TACR3: variants seen among roughly 807,000 people sequenced by gnomAD.
The protein encoded by TACR3 is tachykinin receptor 3.
A neutral mutation model predicts 35.0 loss-of-function variants in TACR3; 34 were observed. That is an observed-to-expected ratio of 0.97 (90% CI 0.74 to 1.30). TACR3 has a LOEUF of 1.30. Ranked by LOEUF, TACR3 falls within the 50% of genes most tolerant of loss-of-function variation. The pLI is 0.00. For missense variants in TACR3, 558 were observed against 591.7 expected, an observed-to-expected ratio of 0.94 and a Z score of 0.59; for synonymous variants, 233 against 221.1, an observed-to-expected ratio of 1.05 and a Z score of -0.48.
chr4:103,634,577 C>T (rs1202427326), intron 3 of TACR3, among the ~76,000 whole-genome samples: 1 of 152,088 alleles, frequency 6.6e-6, no homozygotes. Flanking sequence ...TTGTCATCTT[C>T]ATCAGCATAA....
intron 1 of TACR3, among the ~76,000 whole-genome samples, chr4:103,671,492 T>C (rs1212322537): frequency 6.6e-6 from 1 of 151,998 alleles, no homozygotes; most frequent in Admixed American, 6.6e-5. Context: ...TTAGGTTTTC[T>C]ATTTCTTTAT....
At chr4:103,627,352 TAAAAAAAAAAAAA>T (rs869215834) in intron 3 of TACR3, among the ~76,000 whole-genome samples, 1 of 82,478 alleles carries the variant, frequency 1.2e-5, no homozygotes, top group Non-Finnish European at 2.4e-5. Context: ...GTGTTTCCAT[TAAAAAAAAAAAAA>T]AAAAAAAAAA....
At chr4:103,641,269 T>A (rs1214163838) in intron 3 of TACR3, among the ~76,000 whole-genome samples, 2 of 152,040 alleles carry the variant, frequency 1.3e-5, no homozygotes, top group African/African-American at 2.4e-5. Context: ...AGGTGTTTTT[T>A]AAAAAAATTC....
At chr4:103,649,177 T>C (rs1045264596) in intron 3 of TACR3, among the ~76,000 whole-genome samples, 1 of 152,154 alleles carries the variant, frequency 6.6e-6, no homozygotes, top group African/African-American at 2.4e-5. Flanking sequence ...TGATATATTC[T>C]GGTTATTAAC....
intron 1 of TACR3, among the ~76,000 whole-genome samples, chr4:103,702,828 A>T (rs1252348510): frequency 6.8e-6 from 1 of 146,444 alleles, no homozygotes; most frequent in African/African-American, 2.5e-5. Context: ...ACATGTTCTC[A>T]CTCATAGGTG....
chr4:103,627,181 CAAAAAAAAAAAAAAA>C (rs33988758), intron 3 of TACR3, among the ~76,000 whole-genome samples: 2 of 24,694 alleles, frequency 8.1e-5, no homozygotes, highest in Non-Finnish European at 7.0e-5. Flanking sequence ...GACTCCGTCT[CAAAAAAAAAAAAAAA>C]AAAAAAAAAA....
intron 3 of TACR3, among the ~76,000 whole-genome samples, chr4:103,625,454 G>A (rs2110306793): frequency 6.6e-6 from 1 of 151,768 alleles, no homozygotes; most frequent in East Asian, 1.9e-4. Context: ...AAGGGAAAGT[G>A]GAAAAAAAAC....
intron 3 of TACR3, among the ~76,000 whole-genome samples, chr4:103,643,331 C>G (rs1269908021): frequency 6.6e-6 from 1 of 151,184 alleles, no homozygotes; most frequent in Admixed American, 6.6e-5. Flanking sequence ...CAGCACTGTT[C>G]TAGAGTAAAT....
chr4:103,678,863 C>A (rs73835396), intron 1 of TACR3, among the ~76,000 whole-genome samples: 1 of 150,586 alleles, frequency 6.6e-6, no homozygotes, highest in East Asian at 2.0e-4. Flanking sequence ...TTTTAATAAT[C>A]TTTTCTCTTT....
At position 103,589,825 on chromosome 4, in the gene TACR3, C is replaced by G. The variant is rs753738914; in HGVS notation, c.1255G>C (p.Asp419His). Reference sequence around the variant, plus strand: ...TTCTTCCGACTGGACCTGGTGGTGTCTGCATCGTTGGGGTCAAACACGACT... The same window carrying G: ...TTCTTCCGACTGGACCTGGTGGTGTGTGCATCGTTGGGGTCAAACACGACT... ...MTVVFDPNDA[D>H]TTRSSRKKRA... Residue 419 changes from aspartate (D) to histidine (H), a missense_variant, in exon 5 of 5, where the codon GAC (aspartate) becomes CAC (histidine). Asp to His is a moderately conservative substitution (Grantham distance 81, BLOSUM62 -1). Transcript: ENST00000304883. 6.2e-7 allele frequency: 1 copy of G among 1,613,952 alleles called. No homozygotes were observed.
In TACR3 at chr4:103,661,267, G is replaced by A. The variant is rs569939792; in HGVS notation, c.549-2864C>T. On this transcript the variant is annotated intron_variant, in intron 1 of 4. Transcript: ENST00000304883. ...TTTTTGAATCTAAAAGCCTTTATGT[G>A]TAACATTAAAACAAAGGTAAAATAT... is the stretch of plus-strand genomic sequence containing the variant. Among the ~76,000 whole-genome samples the A allele has an allele frequency of 3.3e-5, 5 of 152,168 alleles. No individual in the cohort carries two copies. In the South Asian group the frequency reaches 6.2e-4, roughly 19 times the overall value.
At chr4:103,627,957 A>G (rs1724944815) in intron 3 of TACR3, among the ~76,000 whole-genome samples, 2 of 152,236 alleles carry the variant, frequency 1.3e-5, no homozygotes, top group Non-Finnish European at 2.9e-5. Flanking sequence ...CTCAGACCAC[A>G]GTGCAATCAA....
intron 3 of TACR3, among the ~76,000 whole-genome samples, chr4:103,651,573 G>A (rs966368344): frequency 1.3e-5 from 2 of 151,868 alleles, no homozygotes; most frequent in African/African-American, 4.8e-5. Flanking sequence ...CCCACTTTGT[G>A]CTCTACCTCC....
In TACR3 at chr4:103,719,874, G is replaced by A. The variant is rs1372287767; in HGVS notation, c.-199C>T. 4.6e-6 allele frequency: 3 copies of A among 645,714 alleles called. No individual in the cohort carries two copies. The highest frequency in any genetic ancestry group is 1.8e-5 in the African/African-American group (1 of 54,734). The allele number at this position is 645,714 out of a possible 1,614,324, so 40.0% of individuals were successfully genotyped here. Reference sequence around the variant, plus strand: ...GGGGCAACAGCTGCACTTTCTCAGAGGCGCTTGCGGCTCTGGCAGGCAGAA... The same window carrying A: ...GGGGCAACAGCTGCACTTTCTCAGAAGCGCTTGCGGCTCTGGCAGGCAGAA... On this transcript the variant is annotated 5_prime_UTR_variant, in exon 1 of 5. Coordinates refer to ENST00000304883, the MANE Select transcript of TACR3 (RefSeq NM_001059.3).
chr4:103,596,727 A>C (rs1285796962), intron 3 of TACR3, among the ~76,000 whole-genome samples: 1 of 152,004 alleles, frequency 6.6e-6, no homozygotes, highest in Non-Finnish European at 1.5e-5. Context: ...TACATTAGGT[A>C]TATCTCCTAA....
intron 1 of TACR3, among the ~76,000 whole-genome samples, chr4:103,687,121 T>C (rs1722266478): frequency 1.3e-5 from 2 of 152,110 alleles, no homozygotes; most frequent in Non-Finnish European, 2.9e-5. Context: ...TAATCCAGCA[T>C]ATAAACAGAA....
chr4:103,670,681 G>T lies in TACR3; in HGVS notation c.549-12278C>A, dbSNP rs1306775350. 1.2e-4 allele frequency among the ~76,000 whole-genome samples: 18 copies of T among 152,000 alleles called. No homozygotes were observed. In the East Asian group the frequency reaches 2.9e-3, roughly 25 times the overall value. Reference sequence around the variant, plus strand: ...TGATTTTGTATTGTCCAACTTTATTGAACTCATTTATCAGTTTTAACAGTT... The same window carrying T: ...TGATTTTGTATTGTCCAACTTTATTTAACTCATTTATCAGTTTTAACAGTT... On this transcript the variant is annotated intron_variant, in intron 1 of 4. Transcript: ENST00000304883.
At chr4:103,705,855 A>T (rs1311916392) in intron 1 of TACR3, among the ~76,000 whole-genome samples, 1 of 152,204 alleles carries the variant, frequency 6.6e-6, no homozygotes, top group African/African-American at 2.4e-5. Context: ...GAATTATCTA[A>T]TGAAATTTTA....
At chr4:103,688,531 T>A (rs112312454) in intron 1 of TACR3, among the ~76,000 whole-genome samples, 4,683 of 149,722 alleles carry the variant, frequency 0.031, 185 homozygotes, top group African/African-American at 0.11. Flanking sequence ...GAATCTACAA[T>A]GAACTCAAAC....
Sources: allele counts gnomAD v4.1 joint callset (sites outside exome capture counted in the v4.1 genomes callset), GRCh38; gene constraint gnomAD v4.1.1; transcripts MANE v1.5; gene names NCBI Gene and HGNC (gene_info 2026-07-23, HGNC 2026-07-21).